The following VAV3 variants were observed in gnomAD, a reference collection of about 807,000 sequenced individuals.
The protein encoded by VAV3 is vav guanine nucleotide exchange factor 3, also known as guanine nucleotide exchange factor VAV3.
A neutral mutation model predicts 131.2 loss-of-function variants in VAV3; 94 were observed. The ratio of observed to expected loss-of-function variants is 0.72; its 90% CI spans 0.61 to 0.85. The LOEUF (loss-of-function observed/expected upper bound fraction) is 0.85, where lower values mean the gene tolerates loss of function less well. Ranked by LOEUF, VAV3 falls within the 40% of genes least tolerant of loss-of-function variation. The pLI is 0.00. For missense variants in VAV3, 939 were observed against 1,002.7 expected (o/e 0.94, Z 0.86); for synonymous variants, 349 against 342.0 (o/e 1.02, Z -0.22).
intron 2 of VAV3, among the ~76,000 whole-genome samples, chr1:107,810,998 G>A (rs552563262): frequency 9.9e-5 from 15 of 152,146 alleles, no homozygotes; most frequent in East Asian, 7.7e-4. Context: ...CTCTCAAAAC[G>A]GTCTTTACAT....
At chr1:107,851,806 G>C (rs1669245912) in intron 2 of VAV3, among the ~76,000 whole-genome samples, 7 of 152,104 alleles carry the variant, frequency 4.6e-5, no homozygotes, top group Non-Finnish European at 8.8e-5. Context: ...TACCCACTTA[G>C]AAAAATTTGT....
intron 11 of VAV3, among the ~76,000 whole-genome samples, chr1:107,756,277 C>G (rs538954535): frequency 2.4e-4 from 37 of 152,184 alleles, no homozygotes; most frequent in African/African-American, 8.7e-4. Context: ...TTTCTGAGCT[C>G]TTTTTCTTTT....
chr1:107,934,451 T>C (rs372237760), intron 1 of VAV3, among the ~76,000 whole-genome samples: 17 of 152,372 alleles, frequency 1.1e-4, no homozygotes, highest in Middle Eastern at 6.8e-3. Flanking sequence ...TGTGTATGTG[T>C]GTGTGCATCC....
intron 1 of VAV3, among the ~76,000 whole-genome samples, chr1:107,956,450 T>C (rs1674818821): frequency 6.6e-6 from 1 of 152,174 alleles, no homozygotes; most frequent in South Asian, 2.1e-4. Flanking sequence ...CATACTAGAA[T>C]TCTAAACTGA....
chr1:107,747,563 TAATAATAATAGC>T (rs1663430059), intron 15 of VAV3, among the ~76,000 whole-genome samples: 1 of 152,166 alleles, frequency 6.6e-6, no homozygotes, highest in Non-Finnish European at 1.5e-5. Flanking sequence ...CAATTATTAT[TAATAATAATAGC>T]AATAATAATA....
chr1:107,765,024 T>G (rs1324158809), intron 9 of VAV3, 52 bp downstream of exon 9: 3 of 1,256,676 alleles, frequency 2.4e-6, no homozygotes, highest in Non-Finnish European at 3.5e-6. Context: ...GAGGAACACA[T>G]TGCTTTTAGG....
chr1:107,908,201 A>G (rs1672193875), intron 1 of VAV3, among the ~76,000 whole-genome samples: 1 of 152,210 alleles, frequency 6.6e-6, no homozygotes. Context: ...GAAAGTAAGA[A>G]CACTGGAGAG....
chr1:107,616,690 G>A (rs1363936697), intron 21 of VAV3, among the ~76,000 whole-genome samples: 1 of 152,144 alleles, frequency 6.6e-6, no homozygotes. Flanking sequence ...AATGAGTGGA[G>A]TAAATTATCC....
intron 2 of VAV3, among the ~76,000 whole-genome samples, chr1:107,864,605 G>C (rs1247782742): frequency 6.6e-6 from 1 of 152,190 alleles, no homozygotes; most frequent in Non-Finnish European, 1.5e-5. Flanking sequence ...CCTAGGCATG[G>C]AGGGTGAAAC....
chr1:107,766,479 G>A lies in VAV3; in HGVS notation c.789C>T (p.Asn263=), dbSNP rs1238219635. 4.3e-6 allele frequency: 7 copies of A among 1,613,228 alleles called. No individual in the cohort carries two copies. In the East Asian group the frequency reaches 1.3e-4, roughly 31 times the overall value. Residue 263 remains asparagine (N), a synonymous_variant, in exon 8 of 27, where the codon AAC becomes AAT. Coordinates refer to ENST00000370056, the MANE Select transcript of VAV3 (RefSeq NM_006113.5). ...TGTAGTTAATAAAAACTTGGTACAAGTTCTGGTCATTTTTATTTACAATGG... is the reference window on the plus strand; with the variant it reads ...TGTAGTTAATAAAAACTTGGTACAAATTCTGGTCATTTTTATTTACAATGG... ...HDSIVNKNDQ[N]LYQVFINYKE... is the part of the protein sequence containing the mutation.
chr1:107,839,408 T>C (rs1199053568), intron 2 of VAV3, among the ~76,000 whole-genome samples: 1 of 152,096 alleles, frequency 6.6e-6, no homozygotes, highest in East Asian at 1.9e-4. Context: ...TATCTGTTAA[T>C]TAAAGAACAC....
rs182715451 is a variant in VAV3, at chr1:107,920,964, T to C, written c.204+43702A>G. ...AGCAAATAGCATAAAATAAAACTTA[T>C]TAGTATTTTAATTAATATTGTATTT... is the stretch of plus-strand genomic sequence containing the variant. On this transcript the variant is annotated intron_variant, in intron 1 of 26. Transcript: ENST00000370056. 3.3e-5 allele frequency among the ~76,000 whole-genome samples: 5 copies of C among 152,368 alleles called. No homozygotes were observed. The East Asian group carries it at 5.8e-4, about 18-fold the overall frequency.
chr1:107,870,887 C>A (rs1311328073), intron 2 of VAV3, among the ~76,000 whole-genome samples: 1 of 152,166 alleles, frequency 6.6e-6, no homozygotes, highest in Non-Finnish European at 1.5e-5. Context: ...TTCACACTCA[C>A]CCAGAGGCAG....
intron 19 of VAV3, among the ~76,000 whole-genome samples, chr1:107,662,199 CTT>C (rs1657072021): frequency 1.3e-5 from 2 of 152,106 alleles, no homozygotes; most frequent in African/African-American, 4.8e-5. Context: ...TGTCAACAAA[CTT>C]ATATCCCCAC....
At chr1:107,735,159 T>G (rs1387618172) in intron 15 of VAV3, among the ~76,000 whole-genome samples, 1 of 152,116 alleles carries the variant, frequency 6.6e-6, no homozygotes, top group African/African-American at 2.4e-5. Flanking sequence ...TTGAAACCAA[T>G]GAGAACAAAG....
At chr1:107,639,356 C>G (rs1191287167) in intron 20 of VAV3, among the ~76,000 whole-genome samples, 5 of 149,914 alleles carry the variant, frequency 3.3e-5, no homozygotes, top group Non-Finnish European at 7.4e-5. Flanking sequence ...AACTTCTGTT[C>G]TATGTATAAC....
intron 15 of VAV3, among the ~76,000 whole-genome samples, chr1:107,721,961 A>G (rs1054794888): frequency 6.6e-6 from 1 of 152,186 alleles, no homozygotes; most frequent in Non-Finnish European, 1.5e-5. Context: ...TGACTTTTAA[A>G]TATCTTCTTG....
At chr1:107,942,158 T>C (rs1674025331) in intron 1 of VAV3, among the ~76,000 whole-genome samples, 1 of 152,200 alleles carries the variant, frequency 6.6e-6, no homozygotes, top group South Asian at 2.1e-4. Flanking sequence ...TCGCTGGGCT[T>C]TCCCCTGCAA....
intron 2 of VAV3, among the ~76,000 whole-genome samples, chr1:107,799,754 C>T (rs140269125): frequency 4.6e-5 from 7 of 152,278 alleles, no homozygotes; most frequent in Admixed American, 2.6e-4. Context: ...ATGCTAACTA[C>T]AGTCACTTTA....
Sources: gnomAD v4.1 joint callset for allele counts (sites outside exome capture counted in the v4.1 genomes callset) on GRCh38, gnomAD v4.1.1 for gene constraint, MANE v1.5 for transcripts, NCBI Gene and HGNC (gene_info 2026-07-23, HGNC 2026-07-21) for gene names.